The following ALDH7A1 variants were observed in gnomAD, a reference collection of about 807,000 sequenced individuals.
ALDH7A1 encodes aldehyde dehydrogenase 7 family member A1, also known as alpha-aminoadipic semialdehyde dehydrogenase.
ALDH7A1 carries 63 observed loss-of-function variants against 79.9 expected under a neutral mutation model. The observed-to-expected ratio is 0.79, with a 90% CI of 0.64 to 0.97. The LOEUF (loss-of-function observed/expected upper bound fraction) is 0.97, where lower values mean the gene tolerates loss of function less well. ALDH7A1 is among the 50% of genes least tolerant of loss of function. The pLI is 0.00. For synonymous variants in ALDH7A1, 240 were observed against 231.2 expected, an observed-to-expected ratio of 1.04 and a Z score of -0.34; for missense variants, 627 against 665.2, an observed-to-expected ratio of 0.94 and a Z score of 0.63.
intron 13 of ALDH7A1, among the ~76,000 whole-genome samples, chr5:126,552,381 G>C (rs556723299): frequency 2.1e-4 from 32 of 152,266 alleles, no homozygotes; most frequent in Admixed American, 7.9e-4. Context: ...GCCATGCCAT[G>C]TGACACAACC....
intron 5 of ALDH7A1, chr5:126,581,830 T>G (rs569235841): frequency 1.4e-5 from 3 of 212,286 alleles, no homozygotes; most frequent in African/African-American, 6.9e-5. Context: ...ATACAAAAAT[T>G]AGCCGGGTGT....
chr5:126,579,852 C>T (rs768898560), intron 5 of ALDH7A1, among the ~76,000 whole-genome samples: 4 of 152,092 alleles, frequency 2.6e-5, no homozygotes, highest in Non-Finnish European at 5.9e-5. Flanking sequence ...CCCAGCTACT[C>T]AGGAGGCTGA....
At chr5:126,573,612 C>T (rs769627934) in intron 7 of ALDH7A1, among the ~76,000 whole-genome samples, 7 of 151,254 alleles carry the variant, frequency 4.6e-5, no homozygotes, top group African/African-American at 1.5e-4. Context: ...GCAGGAGAAT[C>T]GCTTGAACCC....
At chr5:126,546,188 G>A in intron 17 of ALDH7A1, 136 bp downstream of exon 17, 1 of 815,080 alleles carries the variant, frequency 1.2e-6, no homozygotes, top group Non-Finnish European at 2.1e-6. Context: ...TAGATACTTA[G>A]AGGAGACAGC....
Position 126,595,113 on chromosome 5 carries a change from A to C in ALDH7A1, c.86T>G (p.Met29Arg). 2 of 1,588,152 alleles carry C rather than the reference A, an allele frequency of 1.3e-6. No individual in the cohort carries two copies. The highest frequency in any genetic ancestry group is 1.1e-5 in the South Asian group (1 of 87,220). ...SGPWSRPAAF[M>R]STLLINQPQY... Reference sequence around the variant, plus strand: ...GGGCTGATTGATGAGGAGAGTGGACATGAAGGCGGCAGGCCTGCTCCAAGG... The same window carrying C: ...GGGCTGATTGATGAGGAGAGTGGACCTGAAGGCGGCAGGCCTGCTCCAAGG... The change falls in exon 1 of 18, where the codon ATG (methionine) becomes AGG (arginine). Residue 29 changes from methionine (M) to arginine (R), a missense_variant. Physicochemically the swap from Met to Arg is moderately conservative, Grantham distance 91 (BLOSUM62 -1). Coordinates refer to ENST00000409134, the MANE Select transcript of ALDH7A1 (RefSeq NM_001182.5).
intron 9 of ALDH7A1, among the ~76,000 whole-genome samples, chr5:126,567,104 T>G (rs1276789598): frequency 6.6e-6 from 1 of 152,256 alleles, no homozygotes; most frequent in Non-Finnish European, 1.5e-5. Flanking sequence ...GTTTTTACCT[T>G]TCTCAGCATT....
In ALDH7A1 at chr5:126,545,970, G is replaced by A. The variant is rs552753947; in HGVS notation, c.1565+354C>T. On this transcript the variant is annotated intron_variant, in intron 17 of 17. Coordinates refer to ENST00000409134, the MANE Select transcript of ALDH7A1 (RefSeq NM_001182.5). ...TCTACTAAAAATACAAAAATTAGCC[G>A]GGTGCTGTGGCTCACGCCTGTAATC... 2.0e-3 allele frequency among the ~76,000 whole-genome samples: 306 copies of A among 151,806 alleles called. 1 individual carries two copies. The highest frequency in any genetic ancestry group is 0.014 in the Middle Eastern group (4 of 292).
At chr5:126,589,885 C>T (rs1226204648) in intron 3 of ALDH7A1, among the ~76,000 whole-genome samples, 1 of 151,436 alleles carries the variant, frequency 6.6e-6, no homozygotes, top group Non-Finnish European at 1.5e-5. Flanking sequence ...CAGCTGCCCA[C>T]TGTCTGGGAA....
chr5:126,585,145 A>C (rs1751317784), intron 3 of ALDH7A1, among the ~76,000 whole-genome samples: 1 of 152,068 alleles, frequency 6.6e-6, no homozygotes, highest in Non-Finnish European at 1.5e-5. Context: ...TAAAAATACA[A>C]AAATTAGCCG....
At chr5:126,550,707 C>T (rs1324492535) in intron 14 of ALDH7A1, among the ~76,000 whole-genome samples, 1 of 152,180 alleles carries the variant, frequency 6.6e-6, no homozygotes, top group East Asian at 1.9e-4. Context: ...TGCTCAAGAG[C>T]TCACACAGCC....
At chr5:126,559,033 T>C (rs1427823846) in intron 11 of ALDH7A1, among the ~76,000 whole-genome samples, 1 of 152,186 alleles carries the variant, frequency 6.6e-6, no homozygotes, top group Non-Finnish European at 1.5e-5. Flanking sequence ...GGAACCCCTA[T>C]TATCTTGGGG....
At chr5:126,585,831 G>A (rs1751343170) in intron 3 of ALDH7A1, among the ~76,000 whole-genome samples, 1 of 152,126 alleles carries the variant, frequency 6.6e-6, no homozygotes, top group African/African-American at 2.4e-5. Flanking sequence ...CCAAAGTGCT[G>A]GGATTACAGG....
chr5:126,593,518 C>CTTTTTGAGTTTGGGTATTA, intron 1 of ALDH7A1, 114 bp from the exon 2 acceptor site: 1 of 1,442,618 alleles, frequency 6.9e-7, no homozygotes, highest in Non-Finnish European at 9.6e-7. Flanking sequence ...AATACCCAAA[C>CTTTTTGAGTTTGGGTATTA]TCAAAAAGCT....
intron 3 of ALDH7A1, chr5:126,586,690 G>A (rs1751367307): frequency 6.6e-6 from 1 of 152,304 alleles, no homozygotes. Flanking sequence ...AAGACCTAAA[G>A]CATGCCAGGT....
chr5:126,549,871 T>C (rs1221733629), intron 16 of ALDH7A1, 58 bp downstream of exon 16: 2 of 1,500,392 alleles, frequency 1.3e-6, no homozygotes, highest in African/African-American at 1.4e-5. Context: ...TTCTAAAAGC[T>C]ACTACTGGTT....
chr5:126,592,728 G>A lies in ALDH7A1; in HGVS notation c.248C>T (p.Ala83Val). The A allele has an allele frequency of 6.2e-7, 1 of 1,613,574 alleles. No individual in the cohort carries two copies. Among genetic ancestry groups the A allele is most frequent in the South Asian group, 1.1e-5 (1 of 91,070 alleles). The change falls in exon 3 of 18, where the codon GCC (alanine) becomes GTC (valine). Residue 83 changes from alanine to valine, a missense_variant and splice_region_variant. By Grantham distance (64) the Ala-to-Val change is moderately conservative. Coordinates refer to ENST00000409134, the MANE Select transcript of ALDH7A1 (RefSeq NM_001182.5). Reference sequence around the variant, plus strand: ...AGTTTCTTCATAGTCTGCCACACTGGCCTAAATTAAGAATTAGGGGGACAG... The same window carrying A: ...AGTTTCTTCATAGTCTGCCACACTGACCTAAATTAAGAATTAGGGGGACAG... Reference protein sequence around the residue: ...NNEPIARVRQASVADYEETVK... With the variant: ...NNEPIARVRQVSVADYEETVK...
chr5:126,547,322 G>A (rs374623203), intron 16 of ALDH7A1, among the ~76,000 whole-genome samples: 15 of 152,324 alleles, frequency 9.8e-5, no homozygotes, highest in Non-Finnish European at 1.8e-4. Flanking sequence ...GGCAGGGAGG[G>A]AGTAGGGAGA....
At chr5:126,545,262 G>T (rs549584532) in intron 17 of ALDH7A1, among the ~76,000 whole-genome samples, 4 of 151,878 alleles carry the variant, frequency 2.6e-5, no homozygotes, top group East Asian at 2.0e-4. Context: ...TTTGTTGGTG[G>T]TGGTTTTTGT....
intron 3 of ALDH7A1, among the ~76,000 whole-genome samples, chr5:126,585,206 G>A (rs889125307): frequency 6.6e-6 from 1 of 152,184 alleles, no homozygotes; most frequent in African/African-American, 2.4e-5. Context: ...GCTGAAGCAG[G>A]AGAATCACTT....
Sources: allele counts gnomAD v4.1 joint callset (sites outside exome capture counted in the v4.1 genomes callset), GRCh38; gene constraint gnomAD v4.1.1; transcripts MANE v1.5; gene names NCBI Gene and HGNC (gene_info 2026-07-23, HGNC 2026-07-21).